NEK7: variants seen among roughly 807,000 people sequenced by gnomAD.
NEK7 encodes serine/threonine-protein kinase Nek7.
NEK7 carries 18 observed loss-of-function variants against 44.6 expected under a neutral mutation model. The observed-to-expected ratio is 0.40, with a 90% CI of 0.28 to 0.60. NEK7 has a LOEUF of 0.60. Among genes scored for constraint, NEK7 ranks in the 20% least tolerant of loss-of-function variants. The probability of loss-of-function intolerance (pLI) is 0.38; values close to 1 mark genes in which losing one functional copy is unlikely to be tolerated. For synonymous variants in NEK7, 130 were observed against 121.1 expected (o/e 1.07, Z -0.48); for missense variants, 256 against 366.5 (o/e 0.70, Z 2.46).
chr1:198,255,013 G>A (rs1653204962), intron 3 of NEK7, among the ~76,000 whole-genome samples: 2 of 152,140 alleles, frequency 1.3e-5, no homozygotes, highest in Admixed American at 6.6e-5. Flanking sequence ...CCCTCCAGGG[G>A]AACAAGAGTC....
At chr1:198,268,647 T>A (rs1653735701) in intron 5 of NEK7, among the ~76,000 whole-genome samples, 2 of 152,118 alleles carry the variant, frequency 1.3e-5, no homozygotes, top group African/African-American at 4.8e-5. Flanking sequence ...CAATCACATC[T>A]TTCTAGGTTT....
Position 198,319,401 on chromosome 1 carries a change from T to C in NEK7, c.799-11T>C, listed in dbSNP as rs768383627. 2 of 1,597,946 alleles carry C rather than the reference T, an allele frequency of 1.3e-6. No homozygotes were observed. Among genetic ancestry groups the C allele is most frequent in the African/African-American group, 1.3e-5 (1 of 74,210 alleles). ...TCTTAATCAGGTTTTATTGTTTTTCTTTCTTCACAGCTCCGACAGTTAGTT... is the reference window on the plus strand; with the variant it reads ...TCTTAATCAGGTTTTATTGTTTTTCCTTCTTCACAGCTCCGACAGTTAGTT... On this transcript the variant is annotated splice_polypyrimidine_tract_variant and intron_variant, in intron 9 of 9. Transcript: ENST00000367385.
intron 2 of NEK7, among the ~76,000 whole-genome samples, chr1:198,238,040 ACTTT>A (rs1435911851): frequency 6.6e-6 from 1 of 152,150 alleles, no homozygotes; most frequent in African/African-American, 2.4e-5. Context: ...CAACCTGTCC[ACTTT>A]CTTTATGAGC....
At chr1:198,224,655 T>C (rs971755144) in intron 1 of NEK7, among the ~76,000 whole-genome samples, 3 of 152,044 alleles carry the variant, frequency 2.0e-5, no homozygotes, top group African/African-American at 7.2e-5. Flanking sequence ...TTATTTTATA[T>C]ATATATATAA....
rs183853463 is a variant in NEK7, at chr1:198,168,747, G to T, written c.-29+11471G>T. ...TGGTCTTATCAATCCACAGACCAAA[G>T]AAAGATAAATTTGGGAGTTGTTGGT... On this transcript the variant is annotated intron_variant, in intron 1 of 9. Transcript: ENST00000367385. Among the ~76,000 whole-genome samples the T allele has an allele frequency of 1.1e-3, 166 of 152,130 alleles. 1 individual carries two copies. The highest frequency in any genetic ancestry group is 1.0e-3 in the Non-Finnish European group (68 of 67,982).
intron 2 of NEK7, among the ~76,000 whole-genome samples, chr1:198,250,321 C>T (rs1050234437): frequency 1.3e-5 from 2 of 151,442 alleles, no homozygotes; most frequent in Non-Finnish European, 1.5e-5. Flanking sequence ...TGTGATGCCT[C>T]CAGCTTTGTT....
chr1:198,266,789 TG>T (rs1314486331), intron 5 of NEK7, among the ~76,000 whole-genome samples: 1 of 152,150 alleles, frequency 6.6e-6, no homozygotes, highest in Admixed American at 6.6e-5. Flanking sequence ...CCCATCCATC[TG>T]TGCCTGTATG....
chr1:198,165,751 G>C (rs1416737931), intron 1 of NEK7, among the ~76,000 whole-genome samples: 1 of 152,146 alleles, frequency 6.6e-6, no homozygotes, highest in African/African-American at 2.4e-5. Context: ...CTTAACCAGA[G>C]CCTGTTCTTG....
intron 9 of NEK7, among the ~76,000 whole-genome samples, chr1:198,297,769 A>G (rs1245399953): frequency 6.6e-6 from 1 of 152,204 alleles, no homozygotes; most frequent in African/African-American, 2.4e-5. Flanking sequence ...TACCTGTCCT[A>G]TCATCACCTC....
intron 1 of NEK7, among the ~76,000 whole-genome samples, chr1:198,224,874 T>A (rs1017151010): frequency 6.6e-6 from 1 of 151,536 alleles, no homozygotes; most frequent in African/African-American, 2.4e-5. Flanking sequence ...CATGTAGAAA[T>A]AAAAAAAAGA....
intron 9 of NEK7, among the ~76,000 whole-genome samples, chr1:198,300,748 G>A (rs1471756229): frequency 6.6e-6 from 1 of 152,216 alleles, no homozygotes. Context: ...AATGTGGCAG[G>A]AATCTCAGAG....
chr1:198,225,781 G>A (rs145020949), intron 1 of NEK7, among the ~76,000 whole-genome samples: 3 of 151,922 alleles, frequency 2.0e-5, no homozygotes, highest in African/African-American at 4.8e-5. Flanking sequence ...CTCTTCCTTA[G>A]CTCATCTTTT....
chr1:198,199,598 C>T (rs1217800882), intron 1 of NEK7, among the ~76,000 whole-genome samples: 4 of 151,404 alleles, frequency 2.6e-5, no homozygotes, highest in African/African-American at 7.3e-5. Context: ...TAGTACTATT[C>T]GTTTTTGCTT....
intron 5 of NEK7, among the ~76,000 whole-genome samples, chr1:198,269,586 T>C (rs1653773404): frequency 6.6e-6 from 1 of 152,092 alleles, no homozygotes; most frequent in Non-Finnish European, 1.5e-5. Context: ...AGTAATATTG[T>C]AAATCATTGT....
intron 1 of NEK7, among the ~76,000 whole-genome samples, chr1:198,205,647 A>G (rs1665571400): frequency 6.6e-6 from 1 of 152,056 alleles, no homozygotes; most frequent in South Asian, 2.1e-4. Context: ...TTTACTCATG[A>G]CATACACTGC....
chr1:198,251,666 G>A, intron 2 of NEK7, among the ~76,000 whole-genome samples: 1 of 151,906 alleles, frequency 6.6e-6, no homozygotes, highest in East Asian at 1.9e-4. Context: ...TTTGCGTAGA[G>A]GTGTTTGTAG....
chr1:198,255,763 A>T (rs139692542), intron 3 of NEK7, among the ~76,000 whole-genome samples: 3,749 of 152,232 alleles, frequency 0.025, 71 homozygotes, highest in African/African-American at 0.046. Flanking sequence ...GTTTAAACCT[A>T]ATTTCTTCAT....
In NEK7 at chr1:198,302,224, A is replaced by G. The variant is rs1162379981; in HGVS notation, c.798+4984A>G. Among the ~76,000 whole-genome samples, 4 of 152,362 alleles carry G rather than the reference A, an allele frequency of 2.6e-5. No homozygotes were observed. The East Asian group carries it at 7.7e-4, about 29-fold the overall frequency. On this transcript the variant is annotated intron_variant, in intron 9 of 9. Transcript: ENST00000367385. Reference sequence around the variant, plus strand: ...CCATAAAATATCAACCTGAAAGGTCACATTCAATCAAATAACTAATATGAA... The same window carrying G: ...CCATAAAATATCAACCTGAAAGGTCGCATTCAATCAAATAACTAATATGAA...
rs191486769 is a variant in NEK7, at chr1:198,240,222, C to T, written c.57+7585C>T. Among the ~76,000 whole-genome samples, 31 of 152,184 alleles carry T rather than the reference C, an allele frequency of 2.0e-4. 1 individual carries two copies. The highest frequency in any genetic ancestry group is 1.0e-3 in the South Asian group (5 of 4,830). ...GAATGACTTCAAAATATTTAAAGTG[C>T]GTTTGAGTTGTCTTTAAATTTAGAT... is the stretch of plus-strand genomic sequence containing the variant. On this transcript the variant is annotated intron_variant, in intron 2 of 9. Coordinates refer to ENST00000367385, the MANE Select transcript of NEK7 (RefSeq NM_133494.3).
Sources: gnomAD v4.1 joint callset for allele counts (sites outside exome capture counted in the v4.1 genomes callset) on GRCh38, gnomAD v4.1.1 for gene constraint, MANE v1.5 for transcripts, NCBI Gene and HGNC (gene_info 2026-07-23, HGNC 2026-07-21) for gene names.